Variants in CSMD1 observed in about 807,000 individuals in gnomAD.
CSMD1 encodes the protein CUB and Sushi multiple domains 1.
Under a neutral mutation model 417.5 loss-of-function variants are expected in CSMD1, and 213 were observed. The ratio of observed to expected loss-of-function variants is 0.51; its 90% CI spans 0.46 to 0.57. The LOEUF is 0.57. CSMD1 is among the 20% of genes least tolerant of loss of function. The pLI is 0.00. For missense variants in CSMD1, 6,923 were observed against 4,529.7 expected, an observed-to-expected ratio of 1.53 and a Z score of -15.17; for synonymous variants, 2,862 against 1,736.8, an observed-to-expected ratio of 1.65 and a Z score of -16.11.
chr8:3,901,153 A>G (rs905046415), intron 5 of CSMD1, among the ~76,000 whole-genome samples: 1 of 152,192 alleles, frequency 6.6e-6, no homozygotes, highest in African/African-American at 2.4e-5. Flanking sequence ...ACCGTGGAGA[A>G]ATAGTATATC....
chr8:4,919,530 A>G (rs999074242), intron 1 of CSMD1, among the ~76,000 whole-genome samples: 1 of 152,252 alleles, frequency 6.6e-6, no homozygotes, highest in Non-Finnish European at 1.5e-5. Flanking sequence ...AGTTTGCATT[A>G]GTTCCAGATC....
intron 7 of CSMD1, among the ~76,000 whole-genome samples, chr8:3,681,673 G>T (rs1229294729): frequency 6.6e-6 from 1 of 152,084 alleles, no homozygotes; most frequent in Admixed American, 6.6e-5. Flanking sequence ...TTTCTTCACA[G>T]AATTGGAAAA....
chr8:3,947,996 A>C (rs1403615531), intron 5 of CSMD1, among the ~76,000 whole-genome samples: 1 of 152,210 alleles, frequency 6.6e-6, no homozygotes, highest in Non-Finnish European at 1.5e-5. Flanking sequence ...ACCTGAAGTC[A>C]GGTGTTCGAG....
rs766041768 is a variant in CSMD1 at position 4,696,764 on chromosome 8, A to G, written c.86-59206T>C. On this transcript the variant is annotated intron_variant, in intron 1 of 69. Coordinates refer to ENST00000635120, the MANE Select transcript of CSMD1 (RefSeq NM_033225.6). ...GCCCAGCACCCAACATGGGTGTCCA[A>G]TGACTGAAGGACTGCATCAGTGAAT... Among the ~76,000 whole-genome samples, 5 of 152,234 alleles carry G rather than the reference A, an allele frequency of 3.3e-5. No homozygotes were observed. In the East Asian group the frequency reaches 7.7e-4, roughly 23 times the overall value.
intron 3 of CSMD1, among the ~76,000 whole-genome samples, chr8:4,244,469 A>G (rs981013516): frequency 2.6e-5 from 4 of 152,224 alleles, no homozygotes; most frequent in African/African-American, 9.7e-5. Flanking sequence ...CCAAAGTTAT[A>G]AATGTATGAT....
chr8:3,517,651 G>T (rs535721112), intron 10 of CSMD1, among the ~76,000 whole-genome samples: 1 of 152,118 alleles, frequency 6.6e-6, no homozygotes, highest in African/African-American at 2.4e-5. Context: ...CTTTCTGAAA[G>T]AATTTTGGTC....
chr8:3,299,526 G>C (rs942448874), intron 25 of CSMD1, among the ~76,000 whole-genome samples: 20 of 151,724 alleles, frequency 1.3e-4, no homozygotes, highest in African/African-American at 4.6e-4. Flanking sequence ...GTGAGGAAAA[G>C]CACACATCCT....
chr8:3,062,729 G>A (rs572323208), intron 49 of CSMD1, among the ~76,000 whole-genome samples: 7 of 152,224 alleles, frequency 4.6e-5, no homozygotes, highest in African/African-American at 1.7e-4. Context: ...TGAAAAAGAA[G>A]GCAGCAGAAT....
intron 49 of CSMD1, among the ~76,000 whole-genome samples, chr8:3,075,272 C>CT (rs1204768327): frequency 2.9e-5 from 2 of 69,810 alleles, no homozygotes; most frequent in African/African-American, 9.5e-5. Flanking sequence ...CTTTTCTTTT[C>CT]TTTCTTTCTT....
At chr8:3,761,940 G>T (rs181934521) in intron 5 of CSMD1, among the ~76,000 whole-genome samples, 1 of 151,980 alleles carries the variant, frequency 6.6e-6, no homozygotes, top group Non-Finnish European at 1.5e-5. Flanking sequence ...ACTCTCTGAG[G>T]CACCATCATG....
chr8:3,924,461 TTC>T lies in CSMD1; in HGVS notation c.818+73440_818+73441del, dbSNP rs369574043. The stretch of plus-strand genomic sequence containing the variant: ...CATTATTCCTCTAAGAAATTTATCT[TTC>T]TCTGTTTCTTCTGAGACTTCTATGA... On this transcript the variant is annotated intron_variant, in intron 5 of 69. Transcript: ENST00000635120. Among the ~76,000 whole-genome samples, 106 of 152,302 alleles carry T rather than the reference TTC, an allele frequency of 7.0e-4. 1 individual carries two copies. The South Asian group carries it at 0.021, about 31-fold the overall frequency.
chr8:3,943,365 A>G (rs1432391757), intron 5 of CSMD1, among the ~76,000 whole-genome samples: 1 of 151,800 alleles, frequency 6.6e-6, no homozygotes, highest in Non-Finnish European at 1.5e-5. Context: ...TTGTTAAAAA[A>G]AAAAAAGTCA....
intron 1 of CSMD1, among the ~76,000 whole-genome samples, chr8:4,699,770 G>T (rs546121593): frequency 2.0e-4 from 31 of 152,316 alleles, no homozygotes; most frequent in African/African-American, 7.2e-4. Flanking sequence ...TGGTTAGTTT[G>T]TCAGGAAAGG....
chr8:3,964,359 C>T (rs1011768362), intron 5 of CSMD1, among the ~76,000 whole-genome samples: 1 of 152,172 alleles, frequency 6.6e-6, no homozygotes, highest in Non-Finnish European at 1.5e-5. Flanking sequence ...ACTGGTACAA[C>T]TTAATTCACA....
chr8:3,999,361 A>G (rs1381069821), intron 4 of CSMD1, among the ~76,000 whole-genome samples: 1 of 152,162 alleles, frequency 6.6e-6, no homozygotes, highest in Non-Finnish European at 1.5e-5. Flanking sequence ...TCTCTCCACC[A>G]AAATTATACC....
chr8:4,964,257 T>C (rs909478093), intron 1 of CSMD1, among the ~76,000 whole-genome samples: 5 of 151,914 alleles, frequency 3.3e-5, no homozygotes, highest in African/African-American at 1.2e-4. Flanking sequence ...CTAACACCTG[T>C]AATCCCAGCA....
intron 9 of CSMD1, among the ~76,000 whole-genome samples, chr8:3,575,712 G>A (rs909064573): frequency 1.3e-5 from 1 of 75,278 alleles, no homozygotes; most frequent in African/African-American, 4.7e-5. Flanking sequence ...TAGGAATGGT[G>A]ACTTTAAAAA....
intron 3 of CSMD1, among the ~76,000 whole-genome samples, chr8:4,237,566 G>A (rs1168471053): frequency 6.7e-6 from 1 of 149,934 alleles, no homozygotes; most frequent in East Asian, 2.0e-4. Flanking sequence ...TTGGAGTCTT[G>A]CTCTGTCAAC....
intron 1 of CSMD1, among the ~76,000 whole-genome samples, chr8:4,654,101 A>T (rs181479886): frequency 6.6e-6 from 1 of 152,222 alleles, no homozygotes; most frequent in East Asian, 1.9e-4. Context: ...TCCCGGTGCA[A>T]ACCAGGGCCG....
Sources: allele counts gnomAD v4.1 joint callset (sites outside exome capture counted in the v4.1 genomes callset), GRCh38; gene constraint gnomAD v4.1.1; transcripts MANE v1.5; gene names NCBI Gene and HGNC (gene_info 2026-07-23, HGNC 2026-07-21).